SHROOM4: variants seen among roughly 807,000 people sequenced by gnomAD.
SHROOM4 encodes the protein protein Shroom4.
SHROOM4 carries 17 observed loss-of-function variants against 80.3 expected under a neutral mutation model. The observed-to-expected ratio is 0.21, with a 90% CI of 0.14 to 0.32. The LOEUF (loss-of-function observed/expected upper bound fraction) is 0.32. SHROOM4 is among the 10% of genes least tolerant of loss of function. SHROOM4 has a pLI of 1.00. For synonymous variants in SHROOM4, 400 were observed against 437.5 expected (o/e 0.91, Z 1.07); for missense variants, 993 against 1,140.3 (o/e 0.87, Z 1.86).
chrX:50,802,802 C>T (rs1004555697), intron 1 of SHROOM4, among the ~76,000 whole-genome samples: 1 of 111,687 alleles, frequency 9.0e-6, no homozygotes, highest in Non-Finnish European at 1.9e-5. Flanking sequence ...AACTTGCATC[C>T]ATTCTATAGC....
At chrX:50,604,130 T>TCATCACACAAAAAAAATA (rs1403841556) in intron 6 of SHROOM4, among the ~76,000 whole-genome samples, 2 of 112,063 alleles carry the variant, frequency 1.8e-5, no homozygotes, top group African/African-American at 3.2e-5. Flanking sequence ...CAAAAGAAAG[T>TCATCACACAAAAAAAATA]TGGGCCCGCC....
intron 1 of SHROOM4, among the ~76,000 whole-genome samples, chrX:50,727,369 G>A (rs1410547237): frequency 2.7e-5 from 3 of 112,071 alleles, no homozygotes; most frequent in African/African-American, 9.7e-5. Context: ...TGTTAGGAAG[G>A]CATGATTGGT....
Position 50,633,673 on chromosome X carries a change from A to G in SHROOM4, c.2400T>C (p.Phe800=). The part of the protein sequence containing the change: ...PGLTTHSNKT[F]TQRPKPIDQN... ...GGTCTATAGGTTTTGGTCTCTGGGTAAAAGTCTTGTTGCTATGAGTGGTTA... is the reference window on the plus strand; with the variant it reads ...GGTCTATAGGTTTTGGTCTCTGGGTGAAAGTCTTGTTGCTATGAGTGGTTA... Residue 800 remains phenylalanine, a synonymous_variant, in exon 4 of 9, where the codon TTT becomes TTC. Coordinates refer to ENST00000376020, the MANE Select transcript of SHROOM4 (RefSeq NM_020717.5). 1 of 1,212,010 alleles carries G rather than the reference A, an allele frequency of 8.3e-7. No individual in the cohort carries two copies. The highest frequency in any genetic ancestry group is 1.1e-6 in the Non-Finnish European group (1 of 895,558).
intron 1 of SHROOM4, among the ~76,000 whole-genome samples, chrX:50,776,229 A>G (rs1935503877): frequency 8.9e-6 from 1 of 111,901 alleles, no homozygotes; most frequent in South Asian, 3.7e-4. Context: ...AGGGCCAATC[A>G]AAATTGGCTT....
At chrX:50,802,333 C>T (rs1936141596) in intron 1 of SHROOM4, among the ~76,000 whole-genome samples, 1 of 111,868 alleles carries the variant, frequency 8.9e-6, no homozygotes, top group African/African-American at 3.3e-5. Context: ...TGATCAGTGG[C>T]TTTAAATAAA....
intron 2 of SHROOM4, among the ~76,000 whole-genome samples, chrX:50,659,963 G>C (rs1460641263): frequency 8.9e-6 from 1 of 112,150 alleles, no homozygotes; most frequent in Admixed American, 9.5e-5. Flanking sequence ...ATTTCACCAA[G>C]TGAACTTTTT....
intron 2 of SHROOM4, among the ~76,000 whole-genome samples, chrX:50,658,761 A>G (rs1395108788): frequency 9.0e-6 from 1 of 111,581 alleles, no homozygotes; most frequent in Admixed American, 9.5e-5. Flanking sequence ...AAGAGTGCTG[A>G]GGGCCAGGAG....
intron 1 of SHROOM4, among the ~76,000 whole-genome samples, chrX:50,770,891 A>AG (rs1220162663): frequency 8.9e-6 from 1 of 111,830 alleles, no homozygotes; most frequent in Non-Finnish European, 1.9e-5. Flanking sequence ...GAAGTCAGAG[A>AG]GAATGCAGGC....
intron 5 of SHROOM4, 93 bp downstream of exon 5, chrX:50,627,521 C>T: frequency 2.4e-6 from 2 of 845,478 alleles, no homozygotes; most frequent in Non-Finnish European, 3.5e-6. Flanking sequence ...GGCCAGTTTC[C>T]TCAAAGGAAA....
At chrX:50,688,503 CAT>C (rs782740038) in intron 2 of SHROOM4, among the ~76,000 whole-genome samples, 3 of 111,300 alleles carry the variant, frequency 2.7e-5, no homozygotes, top group South Asian at 3.8e-4. Flanking sequence ...TGTTCTCACT[CAT>C]ATGTGGAAGC....
At chrX:50,767,137 C>A (rs782764124) in intron 1 of SHROOM4, among the ~76,000 whole-genome samples, 1 of 112,044 alleles carries the variant, frequency 8.9e-6, no homozygotes, top group South Asian at 3.7e-4. Flanking sequence ...CAGCTCATAC[C>A]TTTTGGCCTC....
chrX:50,720,129 G>A (rs964139777), intron 1 of SHROOM4, among the ~76,000 whole-genome samples: 3 of 111,243 alleles, frequency 2.7e-5, no homozygotes, highest in Non-Finnish European at 3.8e-5. Context: ...GGGTAAGGCC[G>A]ACATGAAGTG....
At chrX:50,688,986 A>T (rs894552503) in intron 2 of SHROOM4, among the ~76,000 whole-genome samples, 5 of 111,479 alleles carry the variant, frequency 4.5e-5, no homozygotes, top group Admixed American at 2.9e-4. Flanking sequence ...AAAAGCAAAA[A>T]ATCTAGTTTT....
intron 2 of SHROOM4, among the ~76,000 whole-genome samples, chrX:50,677,884 A>ATTC (rs1557261464): frequency 9.0e-6 from 1 of 111,499 alleles, no homozygotes; most frequent in African/African-American, 3.3e-5. Context: ...TTGACTTCCC[A>ATTC]TTCTACATTC....
chrX:50,604,046 A>G (rs1274233930), intron 6 of SHROOM4, among the ~76,000 whole-genome samples: 1 of 112,022 alleles, frequency 8.9e-6, no homozygotes, highest in Non-Finnish European at 1.9e-5. Context: ...CAGTTCTTAA[A>G]GGTCAAAAAT....
At position 50,814,179 on chromosome X, in the gene SHROOM4, G is replaced by GC; in HGVS notation, c.-162dup. On this transcript the variant is annotated 5_prime_UTR_variant, in exon 1 of 9. Coordinates refer to ENST00000376020, the MANE Select transcript of SHROOM4 (RefSeq NM_020717.5). ...GGAGACGCTCAGGCAGCGAGCGAGC[G>GC]CAAGGAGGAAATGACACGGAGCTGG... 2.2e-6 allele frequency: 1 copy of GC among 461,090 alleles called. No individual in the cohort carries two copies. Among genetic ancestry groups the GC allele is most frequent in the Non-Finnish European group, 3.9e-6 (1 of 258,343 alleles). The allele number at this position is 461,090 out of a possible 1,213,427, so 38.0% of individuals were successfully genotyped here.
chrX:50,664,671 T>C (rs1394140172), intron 2 of SHROOM4, among the ~76,000 whole-genome samples: 5 of 112,189 alleles, frequency 4.5e-5, no homozygotes, highest in Non-Finnish European at 9.4e-5. Flanking sequence ...ACATTTTGCA[T>C]GTTTTCTTTT....
chrX:50,614,073 G>A (rs781801466), intron 5 of SHROOM4, among the ~76,000 whole-genome samples: 2 of 112,001 alleles, frequency 1.8e-5, no homozygotes, highest in South Asian at 7.5e-4. Context: ...CGTAGTTTTA[G>A]AACTGGATAG....
intron 5 of SHROOM4, among the ~76,000 whole-genome samples, chrX:50,610,951 A>C (rs1929943404): frequency 9.0e-6 from 1 of 111,112 alleles, no homozygotes; most frequent in Admixed American, 9.5e-5. Context: ...AGATCATGAC[A>C]GTCAAAAACT....
Sources: allele counts gnomAD v4.1 joint callset (sites outside exome capture counted in the v4.1 genomes callset), GRCh38; gene constraint gnomAD v4.1.1; transcripts MANE v1.5; gene names NCBI Gene and HGNC (gene_info 2026-07-23, HGNC 2026-07-21).